Variants in RGS20 observed in about 807,000 individuals in gnomAD.
RGS20 encodes the protein regulator of G protein signaling 20.
RGS20 carries 30 observed loss-of-function variants against 33.6 expected under a neutral mutation model. The ratio of observed to expected loss-of-function variants is 0.89; its 90% confidence interval spans 0.67 to 1.21. The LOEUF is 1.21. RGS20 is among the 50% of genes most tolerant of loss of function. The pLI is 0.00. For synonymous variants in RGS20, 208 were observed against 197.9 expected (o/e 1.05, Z -0.43); for missense variants, 472 against 502.4 (o/e 0.94, Z 0.58).
chr8:53,912,352 ATT>A lies in RGS20; in HGVS notation c.511-27208_511-27207del, dbSNP rs58889086. Among the ~76,000 whole-genome samples the A allele has an allele frequency of 4.3e-3, 583 of 137,150 alleles. 1 individual carries two copies. Among genetic ancestry groups the A allele is most frequent in the East Asian group, 7.6e-3 (35 of 4,634 alleles). The allele number at this position is 137,150 out of a possible 152,430, so 90.0% of individuals were successfully genotyped here. A position where few individuals can be genotyped will look rare whatever the true frequency, so the allele number is the denominator to read the frequency against. On this transcript the variant is annotated intron_variant, in intron 2 of 5. Transcript: ENST00000297313. The stretch of plus-strand genomic sequence containing the variant: ...CTCACAATGGATACAGTTAATCTTG[ATT>A]TTTTTTTTTTTTTTTGCCAATTTTG...
At chr8:53,865,943 G>T (rs1811908845) in intron 1 of RGS20, among the ~76,000 whole-genome samples, 1 of 152,144 alleles carries the variant, frequency 6.6e-6, no homozygotes, top group Non-Finnish European at 1.5e-5. Flanking sequence ...TCTGAATATT[G>T]CAAAGTCCTG....
chr8:53,919,253 G>C (rs914633242), intron 2 of RGS20, among the ~76,000 whole-genome samples: 1 of 151,688 alleles, frequency 6.6e-6, no homozygotes, highest in Admixed American at 6.6e-5. Context: ...TTTTTCTTAA[G>C]TTGCAAGAGT....
intron 3 of RGS20, among the ~76,000 whole-genome samples, chr8:53,942,719 T>G (rs1814336214): frequency 6.6e-6 from 1 of 151,804 alleles, no homozygotes. Flanking sequence ...TTAGGCGTGG[T>G]GGCTTATGCC....
rs752018320 is a variant in RGS20, at chr8:53,958,299, G to T, written c.1008G>T (p.Val336=). 2 of 1,612,824 alleles carry T rather than the reference G, an allele frequency of 1.2e-6. No homozygotes were observed. The highest frequency in any genetic ancestry group is 1.7e-6 in the Non-Finnish European group (2 of 1,179,408). Residue 336 remains valine (V), a synonymous_variant, in exon 6 of 6, where the codon GTG becomes GTT. Transcript: ENST00000297313. Reference sequence around the variant, plus strand: ...GCTTAGACTCCCGGGTGAGAGAAGTGATCAACAGAAACATGGTGGAGCCAT... The same window carrying T: ...GCTTAGACTCCCGGGTGAGAGAAGTTATCAACAGAAACATGGTGGAGCCAT...
intron 2 of RGS20, among the ~76,000 whole-genome samples, chr8:53,937,626 CCTACTCAT>C (rs1814172317): frequency 6.6e-6 from 1 of 152,018 alleles, no homozygotes; most frequent in Non-Finnish European, 1.5e-5. Flanking sequence ...ATTTTTGCAA[CCTACTCAT>C]CTGACAAAGG....
chr8:53,929,495 C>G (rs915926343), intron 2 of RGS20, among the ~76,000 whole-genome samples: 1 of 152,024 alleles, frequency 6.6e-6, no homozygotes, highest in African/African-American at 2.4e-5. Context: ...AGCCTGACTC[C>G]CATCTCTACT....
intron 2 of RGS20, among the ~76,000 whole-genome samples, chr8:53,886,704 GT>G (rs1260169200): frequency 6.6e-6 from 1 of 152,178 alleles, no homozygotes; most frequent in African/African-American, 2.4e-5. Context: ...TATCTGGTTT[GT>G]CTACATTTGT....
At chr8:53,897,085 G>C (rs899274604) in intron 2 of RGS20, among the ~76,000 whole-genome samples, 4 of 152,252 alleles carry the variant, frequency 2.6e-5, no homozygotes, top group African/African-American at 9.6e-5. Flanking sequence ...AATTTGCCCA[G>C]ACATTCCTGT....
chr8:53,852,834 C>A (rs1811596385), intron 1 of RGS20, among the ~76,000 whole-genome samples: 2 of 152,138 alleles, frequency 1.3e-5, no homozygotes, highest in South Asian at 4.1e-4. Flanking sequence ...TGCCGCGGCT[C>A]ATATCCTGAT....
chr8:53,946,532 T>C (rs1327170552), intron 3 of RGS20, 133 bp from the exon 3 acceptor site: 2 of 804,676 alleles, frequency 2.5e-6, no homozygotes, highest in Admixed American at 3.7e-5. Context: ...CTAACTGGGG[T>C]CATTTTTTTT....
chr8:53,930,631 T>G (rs1404264929), intron 2 of RGS20, among the ~76,000 whole-genome samples: 1 of 152,166 alleles, frequency 6.6e-6, no homozygotes, highest in Non-Finnish European at 1.5e-5. Context: ...CTGCAACCTC[T>G]GCCTCCGGGG....
intron 2 of RGS20, among the ~76,000 whole-genome samples, chr8:53,888,123 A>AT (rs1332769734): frequency 4.6e-5 from 7 of 152,296 alleles, no homozygotes; most frequent in Admixed American, 2.6e-4. Context: ...TATAATTCAT[A>AT]TATCTCCTGC....
Position 53,951,400 on chromosome 8 carries a change from A to G in RGS20, c.744-2676A>G, listed in dbSNP as rs1348917122. On this transcript the variant is annotated intron_variant, in intron 4 of 5. Coordinates refer to ENST00000297313, the MANE Select transcript of RGS20 (RefSeq NM_170587.4). ...GCTGCTCTAGAGGCTGAGGTGGGAG[A>G]GTCAATTGAGCCCAGGAGGTTGAGG... Among the ~76,000 whole-genome samples, 5 of 152,172 alleles carry G rather than the reference A, an allele frequency of 3.3e-5. No homozygotes were observed. In the East Asian group the frequency reaches 9.6e-4, roughly 29 times the overall value.
Position 53,925,058 on chromosome 8 carries a change from G to A in RGS20, c.511-14518G>A, listed in dbSNP as rs148391927. Among the ~76,000 whole-genome samples, 443 of 152,196 alleles carry A rather than the reference G, an allele frequency of 2.9e-3. 9 individuals carry two copies. The highest frequency in any genetic ancestry group is 1.0e-2 in the African/African-American group (414 of 41,532). On this transcript the variant is annotated intron_variant, in intron 2 of 5. Coordinates refer to ENST00000297313, the MANE Select transcript of RGS20 (RefSeq NM_170587.4). Reference sequence around the variant, plus strand: ...CTGATGTTGCCTCTGCCCATTACTTGGACCTACAGCCAAGCAGGCCCACTG... The same window carrying A: ...CTGATGTTGCCTCTGCCCATTACTTAGACCTACAGCCAAGCAGGCCCACTG...
chr8:53,891,417 G>A (rs535294401), intron 2 of RGS20, among the ~76,000 whole-genome samples: 32 of 152,168 alleles, frequency 2.1e-4, no homozygotes, highest in Admixed American at 1.6e-3. Context: ...TCAGGATTTC[G>A]AGACCAGCCT....
rs1811570399 is a variant in RGS20 at position 53,851,868 on chromosome 8, C to G, written c.-32C>G. 1 of 1,608,488 alleles carries G rather than the reference C, an allele frequency of 6.2e-7. No homozygotes were observed. Among genetic ancestry groups the G allele is most frequent in the Non-Finnish European group, 8.5e-7 (1 of 1,177,000 alleles). ...TGCTAATATTGGGAAAACCAGGCAA[C>G]AGGACTCATTTGGGGCCTTTATTGT... On this transcript the variant is annotated 5_prime_UTR_variant, in exon 1 of 6. Transcript: ENST00000297313.
intron 3 of RGS20, among the ~76,000 whole-genome samples, chr8:53,944,431 A>G (rs968286470): frequency 6.6e-5 from 10 of 151,862 alleles, no homozygotes; most frequent in Non-Finnish European, 1.0e-4. Flanking sequence ...CCAGCTACTC[A>G]GGAGGCTGAG....
intron 1 of RGS20, among the ~76,000 whole-genome samples, chr8:53,855,239 A>G (rs555165330): frequency 1.3e-5 from 2 of 151,978 alleles, no homozygotes; most frequent in Non-Finnish European, 2.9e-5. Context: ...TAATTTTTGT[A>G]TTTTTAGTAG....
At chr8:53,957,635 A>G (rs1814907093) in intron 5 of RGS20, among the ~76,000 whole-genome samples, 1 of 152,236 alleles carries the variant, frequency 6.6e-6, no homozygotes, top group South Asian at 2.1e-4. Context: ...TCAAAGCAGC[A>G]GTGTGAGCCC....
Sources: gnomAD v4.1 joint callset for allele counts (sites outside exome capture counted in the v4.1 genomes callset) on GRCh38, gnomAD v4.1.1 for gene constraint, MANE v1.5 for transcripts, NCBI Gene and HGNC (gene_info 2026-07-23, HGNC 2026-07-21) for gene names.